The following KSR2 variants were observed in gnomAD, a reference collection of about 807,000 sequenced individuals.
KSR2 encodes the protein kinase suppressor of ras 2.
Under a neutral mutation model 107.8 loss-of-function variants are expected in KSR2, and 25 were observed. The observed-to-expected ratio is 0.23, with a 90% confidence interval of 0.17 to 0.32. KSR2 has a LOEUF of 0.32. Ranked by LOEUF, KSR2 falls within the 10% of genes least tolerant of loss-of-function variation. KSR2 has a pLI of 1.00. For synonymous variants in KSR2, 480 were observed against 507.0 expected, an observed-to-expected ratio of 0.95 and a Z score of 0.71; for missense variants, 887 against 1,268.9, an observed-to-expected ratio of 0.70 and a Z score of 4.57.
At chr12:117,656,769 G>T (rs930478007) in intron 5 of KSR2, among the ~76,000 whole-genome samples, 3 of 151,774 alleles carry the variant, frequency 2.0e-5, no homozygotes, top group African/African-American at 4.8e-5. Context: ...TTTCTCCCTT[G>T]CTGGATCTTC....
At chr12:117,613,567 C>T (rs982451583) in intron 5 of KSR2, among the ~76,000 whole-genome samples, 3 of 152,198 alleles carry the variant, frequency 2.0e-5, no homozygotes, top group Admixed American at 6.5e-5. Context: ...GAGCTACTGC[C>T]ACATGGGCTA....
intron 4 of KSR2, among the ~76,000 whole-genome samples, chr12:117,714,615 G>T (rs928159018): frequency 2.3e-4 from 35 of 152,160 alleles, no homozygotes; most frequent in African/African-American, 7.7e-4. Context: ...CTAGCAGCAC[G>T]CACTCTGGGG....
At chr12:117,864,006 T>C (rs922140871) in intron 1 of KSR2, among the ~76,000 whole-genome samples, 2 of 152,154 alleles carry the variant, frequency 1.3e-5, no homozygotes, top group African/African-American at 4.8e-5. Context: ...AAAGTCCTTT[T>C]TCCCATGTAT....
At chr12:117,903,982 G>C (rs1458163831) in intron 1 of KSR2, among the ~76,000 whole-genome samples, 2 of 152,096 alleles carry the variant, frequency 1.3e-5, no homozygotes, top group Admixed American at 6.6e-5. Context: ...CTGGGTGACA[G>C]AGCAAGACTA....
chr12:117,612,531 AG>A (rs1350895417), intron 5 of KSR2, among the ~76,000 whole-genome samples: 3 of 152,218 alleles, frequency 2.0e-5, no homozygotes, highest in Non-Finnish European at 4.4e-5. Flanking sequence ...CCTTTTTCAA[AG>A]GTCAGCCAGA....
chr12:117,809,509 A>G (rs922261487), intron 3 of KSR2, among the ~76,000 whole-genome samples: 2 of 152,230 alleles, frequency 1.3e-5, no homozygotes, highest in Non-Finnish European at 1.5e-5. Context: ...AGATTCACCA[A>G]TCGACATAAA....
intron 1 of KSR2, among the ~76,000 whole-genome samples, chr12:117,906,047 A>G (rs1012203776): frequency 2.9e-5 from 4 of 138,614 alleles, no homozygotes; most frequent in African/African-American, 1.1e-4. Flanking sequence ...GGGATGAGAA[A>G]CACTTAAAAA....
intron 3 of KSR2, among the ~76,000 whole-genome samples, chr12:117,779,852 A>G (rs1889824614): frequency 6.6e-6 from 1 of 152,174 alleles, no homozygotes; most frequent in African/African-American, 2.4e-5. Context: ...GTATTTCTTT[A>G]TAGTGGTGTG....
intron 5 of KSR2, among the ~76,000 whole-genome samples, chr12:117,662,816 G>A (rs937216460): frequency 6.6e-6 from 1 of 152,174 alleles, no homozygotes; most frequent in African/African-American, 2.4e-5. Context: ...GTCATGGGCA[G>A]CTAATAAAGA....
chr12:117,773,729 CTG>C (rs971807618), intron 3 of KSR2, among the ~76,000 whole-genome samples: 1 of 152,204 alleles, frequency 6.6e-6, no homozygotes, highest in Non-Finnish European at 1.5e-5. Context: ...AAGAAAAAAA[CTG>C]TTTTTTGGTT....
intron 12 of KSR2, among the ~76,000 whole-genome samples, chr12:117,528,914 TG>T (rs1242357842): frequency 6.6e-6 from 1 of 152,248 alleles, no homozygotes; most frequent in Non-Finnish European, 1.5e-5. Flanking sequence ...ACCTCTGGAC[TG>T]TCAGTTAATA....
chr12:117,491,634 T>C (rs1872750039), intron 14 of KSR2, among the ~76,000 whole-genome samples: 1 of 152,226 alleles, frequency 6.6e-6, no homozygotes, highest in Non-Finnish European at 1.5e-5. Context: ...CATTCATCTG[T>C]TGATGGATTC....
In KSR2 at chr12:117,555,047, TAGGGG is replaced by T. The variant is rs1425100384; in HGVS notation, c.1518+117_1518+121del. 4.3e-6 allele frequency: 5 copies of T among 1,169,604 alleles called. No individual in the cohort carries two copies. The East Asian group carries it at 1.2e-4, about 29-fold the overall frequency. 72.5% of individuals were successfully genotyped at this position (1,169,604 alleles called of 1,614,324 possible). A position where few individuals can be genotyped will look rare whatever the true frequency, so the allele number is the denominator to read the frequency against. ...TTACTCAACACAAACATCACAGAATTAGGGGAGCCGAGACGGGCTAGGAGGGAGCG... is the reference window on the plus strand; with the variant it reads ...TTACTCAACACAAACATCACAGAATTAGCCGAGACGGGCTAGGAGGGAGCG... On this transcript the variant is annotated intron_variant, in intron 9 of 19. Transcript: ENST00000339824.
intron 1 of KSR2, among the ~76,000 whole-genome samples, chr12:117,915,912 C>T (rs1019996344): frequency 6.6e-6 from 1 of 152,046 alleles, no homozygotes; most frequent in African/African-American, 2.4e-5. Context: ...CCTTCTCTAC[C>T]CTCAAGCAGA....
intron 2 of KSR2, 44 bp from the exon 3 acceptor site, chr12:117,855,622 C>T (rs1566052175): frequency 6.3e-7 from 1 of 1,599,664 alleles, no homozygotes; most frequent in Admixed American, 1.7e-5. Context: ...GCAGGAACAG[C>T]ATCTCTGCCT....
At position 117,494,275 on chromosome 12, in the gene KSR2, C is replaced by T. The variant is rs142140963; in HGVS notation, c.2220-8584G>A. Among the ~76,000 whole-genome samples the T allele has an allele frequency of 2.4e-3, 357 of 150,160 alleles. 1 individual carries two copies. The highest frequency in any genetic ancestry group is 8.5e-3 in the African/African-American group (339 of 39,666). ...CTCACCACTCTGTAGTGTACCACAC[C>T]TGGTCTACTTCCTGCATTTACACAC... On this transcript the variant is annotated intron_variant, in intron 14 of 19. Coordinates refer to ENST00000339824, the MANE Select transcript of KSR2 (RefSeq NM_173598.6).
At chr12:117,835,327 T>C (rs1892158644) in intron 3 of KSR2, among the ~76,000 whole-genome samples, 1 of 151,850 alleles carries the variant, frequency 6.6e-6, no homozygotes, top group Non-Finnish European at 1.5e-5. Context: ...GCATGGCGAG[T>C]TGGAGGGAGG....
At chr12:117,479,646 T>C (rs567754520) in intron 16 of KSR2, among the ~76,000 whole-genome samples, 44 of 152,312 alleles carry the variant, frequency 2.9e-4, no homozygotes, top group African/African-American at 9.9e-4. Context: ...TTCTAATTTA[T>C]ACAAAATACG....
At chr12:117,674,978 G>A (rs900027653) in intron 4 of KSR2, among the ~76,000 whole-genome samples, 28 of 152,118 alleles carry the variant, frequency 1.8e-4, no homozygotes, top group African/African-American at 6.0e-4. Flanking sequence ...TGCACATGCT[G>A]TTCCTGCTGC....
Sources: gnomAD v4.1 joint callset for allele counts (sites outside exome capture counted in the v4.1 genomes callset) on GRCh38, gnomAD v4.1.1 for gene constraint, MANE v1.5 for transcripts, NCBI Gene and HGNC (gene_info 2026-07-23, HGNC 2026-07-21) for gene names.